Variants in PCED1B observed in about 807,000 individuals in gnomAD.
PCED1B encodes the protein PC-esterase domain-containing protein 1B.
For missense variants in PCED1B, 573 were observed against 573.9 expected (o/e 1.00, Z 0.02); for synonymous variants, 251 against 246.1 (o/e 1.02, Z -0.19).
intron 2 of PCED1B, among the ~76,000 whole-genome samples, chr12:47,113,644 C>A (rs1449654625): frequency 6.6e-6 from 1 of 152,088 alleles, no homozygotes; most frequent in Non-Finnish European, 1.5e-5. Flanking sequence ...ATCTGTGGGA[C>A]CTGTATGCAG....
chr12:47,173,874 ATGTC>A (rs1357382510), intron 2 of PCED1B, among the ~76,000 whole-genome samples: 13 of 152,342 alleles, frequency 8.5e-5, no homozygotes, highest in African/African-American at 3.1e-4. Flanking sequence ...GCTGAGGAAA[ATGTC>A]TGTGGTAAAT....
At chr12:47,122,026 C>CAAAAAAAAAA (rs61540740) in intron 2 of PCED1B, among the ~76,000 whole-genome samples, 1 of 103,744 alleles carries the variant, frequency 9.6e-6, no homozygotes. Flanking sequence ...GACTCCATCT[C>CAAAAAAAAAA]AAAAAAAAAA....
In PCED1B at chr12:47,235,120, C is replaced by T. The variant is rs1469591298; in HGVS notation, c.57C>T (p.Val19=). ...AGCTGCTTCACAATAAGTTCGTGGT[C>T]ATCCTGGGGGACTCTGTGCATAGGG... ...VRQLLHNKFV[V]ILGDSVHRAV... Residue 19 remains valine, a synonymous_variant, in exon 4 of 4, where the codon GTC becomes GTT. Coordinates refer to ENST00000546455, the MANE Select transcript of PCED1B (RefSeq NM_138371.3). 7.8e-6 allele frequency: 12 copies of T among 1,532,940 alleles called. No individual in the cohort carries two copies. The highest frequency in any genetic ancestry group is 9.6e-6 in the Non-Finnish European group (11 of 1,142,102). The allele number at this position is 1,532,940 out of a possible 1,614,324, so 95.0% of individuals were successfully genotyped here.
chr12:47,162,963 ATATC>A (rs1170964746), intron 2 of PCED1B, among the ~76,000 whole-genome samples: 2 of 152,188 alleles, frequency 1.3e-5, no homozygotes, highest in African/African-American at 4.8e-5. Flanking sequence ...CTATTTCTGA[ATATC>A]TATCTTTGGA....
chr12:47,137,225 A>T (rs1487120396), intron 2 of PCED1B, among the ~76,000 whole-genome samples: 1 of 152,294 alleles, frequency 6.6e-6, no homozygotes, highest in South Asian at 2.1e-4. Flanking sequence ...TCTTAATTTC[A>T]TTTTTTATTT....
At chr12:47,107,835 C>T (rs1008643415) in intron 2 of PCED1B, among the ~76,000 whole-genome samples, 3 of 152,170 alleles carry the variant, frequency 2.0e-5, no homozygotes, top group Admixed American at 6.5e-5. Context: ...TGTCTTAATT[C>T]CCAAAACTTC....
At chr12:47,217,470 G>A (rs9668999) in intron 3 of PCED1B, among the ~76,000 whole-genome samples, 16,095 of 90,698 alleles carry the variant, frequency 0.18, 2,170 homozygotes, top group African/African-American at 0.28. Context: ...AAGAAAGAAA[G>A]AGAAAGAAAG....
intron 2 of PCED1B, among the ~76,000 whole-genome samples, chr12:47,181,305 C>T (rs10881060): frequency 0.042 from 6,450 of 151,928 alleles, 186 homozygotes; most frequent in Non-Finnish European, 0.064. Context: ...TTTCTTGATA[C>T]ATATTTCAGT....
chr12:47,177,775 G>A (rs917096443), intron 2 of PCED1B, among the ~76,000 whole-genome samples: 1 of 152,140 alleles, frequency 6.6e-6, no homozygotes, highest in Non-Finnish European at 1.5e-5. Context: ...CCAACATGGT[G>A]AAACCCTGTC....
intron 3 of PCED1B, among the ~76,000 whole-genome samples, chr12:47,227,691 T>C (rs747363828): frequency 1.3e-5 from 2 of 151,786 alleles, no homozygotes; most frequent in Non-Finnish European, 2.9e-5. Flanking sequence ...CCGTCTCTAC[T>C]AAAAATACAA....
chr12:47,158,166 G>A (rs573680244), intron 2 of PCED1B, among the ~76,000 whole-genome samples: 5 of 152,272 alleles, frequency 3.3e-5, no homozygotes, highest in African/African-American at 1.2e-4. Flanking sequence ...TTTTTTGTGT[G>A]TGTTCCCAGA....
At chr12:47,217,472 GAAAGAAA>G (rs1178549278) in intron 3 of PCED1B, among the ~76,000 whole-genome samples, 4 of 49,650 alleles carry the variant, frequency 8.1e-5, no homozygotes, top group African/African-American at 4.2e-4. Context: ...GAAAGAAAGA[GAAAGAAA>G]GAAAGAAAGA....
intron 2 of PCED1B, among the ~76,000 whole-genome samples, chr12:47,113,046 A>G (rs1261292292): frequency 6.6e-6 from 1 of 152,198 alleles, no homozygotes; most frequent in Non-Finnish European, 1.5e-5. Context: ...CAGAACTAGC[A>G]TTATTTAAAA....
chr12:47,222,996 T>C lies in PCED1B; in HGVS notation c.-58+6307T>C, dbSNP rs1943530497. 2.6e-5 allele frequency among the ~76,000 whole-genome samples: 4 copies of C among 152,120 alleles called. No homozygotes were observed. In the South Asian group the frequency reaches 8.3e-4, roughly 32 times the overall value. On this transcript the variant is annotated intron_variant, in intron 3 of 3. Transcript: ENST00000546455. ...CAAATAGGGACATAGGGTTACCTCATTTCCTGACACTCTGAAAATGGGTGG... is the reference window on the plus strand; with the variant it reads ...CAAATAGGGACATAGGGTTACCTCACTTCCTGACACTCTGAAAATGGGTGG...
chr12:47,232,336 G>T (rs748822010), intron 3 of PCED1B, among the ~76,000 whole-genome samples: 1 of 152,130 alleles, frequency 6.6e-6, no homozygotes, highest in Non-Finnish European at 1.5e-5. Flanking sequence ...AAAATTCTTT[G>T]TGGGGAAGAT....
intron 2 of PCED1B, among the ~76,000 whole-genome samples, chr12:47,189,654 A>G (rs1240527863): frequency 3.9e-5 from 6 of 152,168 alleles, no homozygotes; most frequent in Non-Finnish European, 8.8e-5. Context: ...TCTTATTTGC[A>G]CTTTCAGCAT....
At chr12:47,232,564 G>A (rs1042925510) in intron 3 of PCED1B, among the ~76,000 whole-genome samples, 13 of 152,028 alleles carry the variant, frequency 8.6e-5, no homozygotes, top group African/African-American at 2.4e-4. Context: ...ATTTCAAGCC[G>A]CACCGGATTT....
At chr12:47,166,475 T>C (rs186585916) in intron 2 of PCED1B, among the ~76,000 whole-genome samples, 5 of 152,292 alleles carry the variant, frequency 3.3e-5, no homozygotes, top group Admixed American at 3.3e-4. Context: ...CCAATTAAAA[T>C]ACAGAGGCAT....
intron 2 of PCED1B, among the ~76,000 whole-genome samples, chr12:47,215,372 GC>G: frequency 6.6e-6 from 1 of 151,490 alleles, no homozygotes; most frequent in South Asian, 2.1e-4. Flanking sequence ...TCCTGCCTCA[GC>G]CCCCCGAGTA....
Sources: allele counts gnomAD v4.1 joint callset (sites outside exome capture counted in the v4.1 genomes callset), GRCh38; gene constraint gnomAD v4.1.1; transcripts MANE v1.5; gene names NCBI Gene and HGNC (gene_info 2026-07-23, HGNC 2026-07-21).